The following GRIN2A variants were observed in gnomAD, a reference collection of about 807,000 sequenced individuals.
GRIN2A encodes the protein glutamate ionotropic receptor NMDA type subunit 2A, also known as glutamate receptor ionotropic, NMDA 2A.
Under a neutral mutation model 113.4 loss-of-function variants are expected in GRIN2A, and 22 were observed. The ratio of observed to expected loss-of-function variants is 0.19; its 90% CI spans 0.14 to 0.28. The LOEUF (loss-of-function observed/expected upper bound fraction) is 0.28. Ranked by LOEUF, GRIN2A falls within the 10% of genes least tolerant of loss-of-function variation. The pLI is 1.00. For missense variants in GRIN2A, 1,502 were observed against 1,887.0 expected (o/e 0.80, Z 3.78); for synonymous variants, 827 against 738.4 (o/e 1.12, Z -1.94).
intron 2 of GRIN2A, chr16:10,031,614 G>C (rs1463671759): frequency 6.6e-6 from 1 of 152,210 alleles, no homozygotes; most frequent in Non-Finnish European, 1.5e-5. Flanking sequence ...ATGTTTCTTA[G>C]CAACTGTAAC....
chr16:9,953,696 C>T lies in GRIN2A; in HGVS notation c.415-15145G>A, dbSNP rs541061279. Among the ~76,000 whole-genome samples, 32 of 152,128 alleles carry T rather than the reference C, an allele frequency of 2.1e-4. No individual in the cohort carries two copies. In the South Asian group the frequency reaches 4.6e-3, roughly 22 times the overall value. On this transcript the variant is annotated intron_variant, in intron 2 of 12. Coordinates refer to ENST00000330684, the MANE Select transcript of GRIN2A (RefSeq NM_001134407.3). ...TGTAGGAGAGGTACGAGGAGAAAGC[C>T]GGGGAATGCGATAACTTAGAAGCCA...
intron 10 of GRIN2A, among the ~76,000 whole-genome samples, chr16:9,802,696 A>G (rs1028523810): frequency 1.3e-5 from 2 of 152,186 alleles, no homozygotes; most frequent in African/African-American, 4.8e-5. Context: ...ACTTTATATT[A>G]TAAAACCCTC....
intron 2 of GRIN2A, among the ~76,000 whole-genome samples, chr16:10,077,073 C>T (rs1239289126): frequency 2.0e-5 from 3 of 152,142 alleles, no homozygotes; most frequent in Non-Finnish European, 4.4e-5. Context: ...CAGAGGAATG[C>T]AATGTTGCTG....
rs1360036978 is a variant in GRIN2A, at chr16:9,793,916, A to G, written c.2356+4361T>C. On this transcript the variant is annotated intron_variant, in intron 11 of 12. Coordinates refer to ENST00000330684, the MANE Select transcript of GRIN2A (RefSeq NM_001134407.3). ...TTAGGATTAGATATTTTGCATTTATACATTTGTCAGCCTACTGGACTGTAA... is the reference window on the plus strand; with the variant it reads ...TTAGGATTAGATATTTTGCATTTATGCATTTGTCAGCCTACTGGACTGTAA... 2.0e-5 allele frequency among the ~76,000 whole-genome samples: 3 copies of G among 152,230 alleles called. No individual in the cohort carries two copies. In the East Asian group the frequency reaches 5.8e-4, roughly 29 times the overall value.
intron 2 of GRIN2A, among the ~76,000 whole-genome samples, chr16:10,084,931 T>C (rs990355014): frequency 3.9e-5 from 6 of 152,084 alleles, no homozygotes; most frequent in African/African-American, 1.2e-4. Context: ...ATGATAATAG[T>C]GTTAGTAGCA....
intron 2 of GRIN2A, among the ~76,000 whole-genome samples, chr16:10,073,249 C>T (rs2047796224): frequency 6.6e-6 from 1 of 152,136 alleles, no homozygotes; most frequent in African/African-American, 2.4e-5. Context: ...AGCCACCGTG[C>T]CCAGTCAAGA....
At chr16:10,020,300 C>T (rs934412709) in intron 2 of GRIN2A, among the ~76,000 whole-genome samples, 5 of 152,092 alleles carry the variant, frequency 3.3e-5, no homozygotes, top group African/African-American at 1.2e-4. Flanking sequence ...GCCTGTAGTC[C>T]CAGCTACTTG....
rs748158615 is a variant in GRIN2A, at chr16:9,759,956, C to T, written c.*3193G>A. 5.6e-5 allele frequency: 13 copies of T among 231,066 alleles called. No individual in the cohort carries two copies. Among genetic ancestry groups the T allele is most frequent in the Admixed American group, 1.1e-4 (2 of 17,714 alleles). The allele number at this position is 231,066 out of a possible 1,614,324, so 14.3% of individuals were successfully genotyped here. A position where few individuals can be genotyped will look rare whatever the true frequency, so the allele number is the denominator to read the frequency against. ...ATTTTAAATTGGTTGCATGTGCGTG[C>T]TATTACCCATGGACAGAGACCCAAC... On this transcript the variant is annotated 3_prime_UTR_variant, in exon 13 of 13. Transcript: ENST00000330684.
intron 3 of GRIN2A, among the ~76,000 whole-genome samples, chr16:9,892,799 G>A (rs1384574434): frequency 1.3e-5 from 2 of 152,074 alleles, no homozygotes; most frequent in African/African-American, 4.8e-5. Flanking sequence ...AGACATCTGA[G>A]ACAACATGGT....
At chr16:9,998,133 A>G (rs745556250) in intron 2 of GRIN2A, among the ~76,000 whole-genome samples, 9 of 152,200 alleles carry the variant, frequency 5.9e-5, no homozygotes, top group Non-Finnish European at 1.0e-4. Flanking sequence ...AGACCTCTCC[A>G]TACCAGTATG....
chr16:10,044,488 T>A (rs1180543336), intron 2 of GRIN2A, among the ~76,000 whole-genome samples: 1 of 151,902 alleles, frequency 6.6e-6, no homozygotes, highest in Non-Finnish European at 1.5e-5. Context: ...TCTTTCCTAA[T>A]GCCACTCCCT....
chr16:9,945,107 G>T (rs1479693531), intron 2 of GRIN2A, among the ~76,000 whole-genome samples: 1 of 152,116 alleles, frequency 6.6e-6, no homozygotes, highest in Non-Finnish European at 1.5e-5. Context: ...GATAGCTTGA[G>T]GCCAGGAGTT....
intron 2 of GRIN2A, among the ~76,000 whole-genome samples, chr16:9,971,575 A>G (rs1296853286): frequency 6.6e-6 from 1 of 152,274 alleles, no homozygotes; most frequent in Non-Finnish European, 1.5e-5. Context: ...TAGCAAGAAT[A>G]TATAAGAATG....
intron 2 of GRIN2A, among the ~76,000 whole-genome samples, chr16:10,160,041 C>G (rs181498618): frequency 2.0e-5 from 3 of 152,332 alleles, no homozygotes; most frequent in African/African-American, 7.2e-5. Flanking sequence ...TTTGCTGACA[C>G]CTTCATTTTG....
chr16:9,903,114 G>C (rs973922493), intron 3 of GRIN2A, among the ~76,000 whole-genome samples: 1 of 151,638 alleles, frequency 6.6e-6, no homozygotes, highest in African/African-American at 2.4e-5. Flanking sequence ...GACTACAATC[G>C]CGTGCCACCA....
chr16:10,129,237 G>A (rs2049011687), intron 2 of GRIN2A, among the ~76,000 whole-genome samples: 2 of 151,798 alleles, frequency 1.3e-5, no homozygotes, highest in Admixed American at 1.3e-4. Flanking sequence ...CATGACACCT[G>A]GTGAAGTCAT....
At chr16:9,906,342 A>G (rs1418092694) in intron 3 of GRIN2A, among the ~76,000 whole-genome samples, 3 of 152,114 alleles carry the variant, frequency 2.0e-5, no homozygotes, top group African/African-American at 4.8e-5. Flanking sequence ...TATCCCAGTA[A>G]AGTCTTGTGA....
intron 2 of GRIN2A, among the ~76,000 whole-genome samples, chr16:9,987,067 T>C (rs1307851655): frequency 6.6e-6 from 1 of 152,174 alleles, no homozygotes; most frequent in African/African-American, 2.4e-5. Flanking sequence ...AGGAGGTCCA[T>C]AGACTCCAGT....
At chr16:10,157,487 A>G (rs2049721364) in intron 2 of GRIN2A, among the ~76,000 whole-genome samples, 1 of 152,220 alleles carries the variant, frequency 6.6e-6, no homozygotes, top group African/African-American at 2.4e-5. Flanking sequence ...CGGGTAATTT[A>G]TAGAGGAAGA....
Sources: allele counts gnomAD v4.1 joint callset (sites outside exome capture counted in the v4.1 genomes callset), GRCh38; gene constraint gnomAD v4.1.1; transcripts MANE v1.5; gene names NCBI Gene and HGNC (gene_info 2026-07-23, HGNC 2026-07-21).